Variants in OLA1 observed in about 807,000 individuals in gnomAD.
OLA1 encodes the protein Obg like ATPase 1, also known as obg-like ATPase 1.
Under a neutral mutation model 48.4 loss-of-function variants are expected in OLA1, and 14 were observed. The ratio of observed to expected loss-of-function variants is 0.29; its 90% CI spans 0.19 to 0.45. The LOEUF is 0.45. Ranked by LOEUF, OLA1 falls within the 20% of genes least tolerant of loss-of-function variation. The pLI, the probability that OLA1 is intolerant of heterozygous loss-of-function variation, is 1.00. For synonymous variants in OLA1, 127 were observed against 150.4 expected, an observed-to-expected ratio of 0.84 and a Z score of 1.14; for missense variants, 325 against 467.1, an observed-to-expected ratio of 0.70 and a Z score of 2.80.
In OLA1 at chr2:174,158,241, T is replaced by C. The variant is rs575145682; in HGVS notation, c.374-16241A>G. Among the ~76,000 whole-genome samples the C allele has an allele frequency of 1.6e-4, 25 of 152,340 alleles. 1 individual carries two copies. In the South Asian group the frequency reaches 4.8e-3, roughly 29 times the overall value. On this transcript the variant is annotated intron_variant, in intron 4 of 10. Coordinates refer to ENST00000284719, the MANE Select transcript of OLA1 (RefSeq NM_013341.5). ...TGGATTTGGATGGGCCAGGACCTTG[T>C]GACACCCCTTATTCCCCTGTGGTCA...
At chr2:174,217,689 C>T (rs1688398794) in intron 4 of OLA1, among the ~76,000 whole-genome samples, 1 of 152,178 alleles carries the variant, frequency 6.6e-6, no homozygotes. Context: ...TATAATCCCT[C>T]TCTCTGCCCC....
intron 7 of OLA1, among the ~76,000 whole-genome samples, chr2:174,106,481 C>T (rs1685517665): frequency 1.3e-5 from 2 of 152,076 alleles, no homozygotes; most frequent in South Asian, 4.1e-4. Flanking sequence ...TCACTGATCA[C>T]AATCTAAGCA....
intron 7 of OLA1, among the ~76,000 whole-genome samples, chr2:174,104,563 G>T (rs1250711880): frequency 1.3e-5 from 2 of 151,954 alleles, no homozygotes; most frequent in Non-Finnish European, 2.9e-5. Context: ...GCGTCACTTG[G>T]TTCTTAATTT....
chr2:174,123,099 G>A lies in OLA1; in HGVS notation c.728+81C>T, dbSNP rs532248651. The stretch of plus-strand genomic sequence containing the variant: ...AAAAATATTAAAATTAAACATTGCC[G>A]TTAAGTACATATATGTGGGTGTGTG... On this transcript the variant is annotated intron_variant, in intron 7 of 10. Coordinates refer to ENST00000284719, the MANE Select transcript of OLA1 (RefSeq NM_013341.5). 37 of 649,074 alleles carry A rather than the reference G, an allele frequency of 5.7e-5. 1 individual carries two copies. The highest frequency in any genetic ancestry group is 2.5e-4 in the African/African-American group (13 of 51,318). The allele number at this position is 649,074 out of a possible 1,614,324, so 40.2% of individuals were successfully genotyped here. A position where few individuals can be genotyped will look rare whatever the true frequency, so the allele number is the denominator to read the frequency against.
rs1317826944 is a variant in OLA1 at position 174,074,235 on chromosome 2, GA to G, written c.*1190del. On this transcript the variant is annotated 3_prime_UTR_variant, in exon 11 of 11. Transcript: ENST00000284719. ...CCATGGAAATGGTCCTGTGATCACA[GA>G]AGAGCACAAAAGGGCAGAGGACAAG... The G allele has an allele frequency of 6.6e-6, 1 of 152,180 alleles. No homozygotes were observed. Among genetic ancestry groups the G allele is most frequent in the African/African-American group, 2.4e-5 (1 of 41,416 alleles). 9.4% of individuals were successfully genotyped at this position (152,180 alleles called of 1,614,324 possible).
intron 7 of OLA1, among the ~76,000 whole-genome samples, chr2:174,085,843 G>A (rs944021860): frequency 6.6e-5 from 10 of 151,984 alleles, no homozygotes; most frequent in African/African-American, 2.4e-4. Flanking sequence ...TAAGTTCTTT[G>A]TCCCTTTCAA....
At chr2:174,136,724 T>A (rs1686318321) in intron 5 of OLA1, among the ~76,000 whole-genome samples, 1 of 151,898 alleles carries the variant, frequency 6.6e-6, no homozygotes, top group Non-Finnish European at 1.5e-5. Flanking sequence ...CAGGCTGTAG[T>A]GCAGTGGTGT....
chr2:174,082,542 T>A lies in OLA1; in HGVS notation c.729-478A>T, dbSNP rs551833841. On this transcript the variant is annotated intron_variant, in intron 7 of 10. Transcript: ENST00000284719. ...CAGATATCTATATGCCTGGTTTAGT[T>A]CCTTCATGGACTAACAGAACTCACA... Among the ~76,000 whole-genome samples, 8 of 152,262 alleles carry A rather than the reference T, an allele frequency of 5.3e-5. No homozygotes were observed. The South Asian group carries it at 6.2e-4, about 12-fold the overall frequency.
intron 1 of OLA1, chr2:174,247,782 G>T: frequency 1.3e-6 from 2 of 1,550,386 alleles, no homozygotes; most frequent in South Asian, 2.4e-5. Context: ...ATTTCTAATG[G>T]TAAATTAATC....
chr2:174,091,989 C>A (rs1229317845), intron 7 of OLA1, among the ~76,000 whole-genome samples: 1 of 138,416 alleles, frequency 7.2e-6, no homozygotes, highest in African/African-American at 2.7e-5. Flanking sequence ...ATATTATGTA[C>A]TTAATGTTAA....
rs184161629 is a variant in OLA1, at chr2:174,180,276, T to C, written c.374-38276A>G. On this transcript the variant is annotated intron_variant, in intron 4 of 10. Transcript: ENST00000284719. The stretch of plus-strand genomic sequence containing the variant: ...CTTCAGTCTAATACTGAGACAATTA[T>C]AAAACAAATGTATCCATTTCTATTC... Among the ~76,000 whole-genome samples, 815 of 152,290 alleles carry C rather than the reference T, an allele frequency of 5.4e-3. 5 individuals are homozygous for C. Among genetic ancestry groups the C allele is most frequent in the African/African-American group, 0.019 (770 of 41,574 alleles).
intron 4 of OLA1, among the ~76,000 whole-genome samples, chr2:174,145,503 T>TA (rs1157621263): frequency 2.0e-5 from 3 of 152,166 alleles, no homozygotes; most frequent in African/African-American, 7.2e-5. Context: ...ATGAGAAAGT[T>TA]ACTTTTATTA....
chr2:174,160,002 T>G (rs887841838), intron 4 of OLA1, among the ~76,000 whole-genome samples: 10 of 152,120 alleles, frequency 6.6e-5, no homozygotes, highest in Non-Finnish European at 4.4e-5. Flanking sequence ...CTAACAAGTT[T>G]TACTTCATAG....
At chr2:174,242,349 C>A (rs767505988) in intron 2 of OLA1, among the ~76,000 whole-genome samples, 3 of 152,198 alleles carry the variant, frequency 2.0e-5, no homozygotes, top group Non-Finnish European at 2.9e-5. Flanking sequence ...AGGGCCTGCG[C>A]TCCTCTGAGA....
At chr2:174,195,859 T>TA (rs1392779158) in intron 4 of OLA1, among the ~76,000 whole-genome samples, 1 of 152,176 alleles carries the variant, frequency 6.6e-6, no homozygotes, top group Non-Finnish European at 1.5e-5. Context: ...TACAAGATAA[T>TA]AAACTTACTT....
intron 7 of OLA1, among the ~76,000 whole-genome samples, chr2:174,111,376 A>G (rs16862384): frequency 0.025 from 3,768 of 152,290 alleles, 151 homozygotes; most frequent in African/African-American, 0.084. Flanking sequence ...AATTTGAGCT[A>G]AAAGAAGTTT....
intron 4 of OLA1, among the ~76,000 whole-genome samples, chr2:174,175,487 T>C (rs750345730): frequency 3.9e-5 from 6 of 151,954 alleles, no homozygotes; most frequent in Admixed American, 2.0e-4. Flanking sequence ...AATGAAAAGA[T>C]GGTCATCACT....
At chr2:174,212,585 C>T (rs540498236) in intron 4 of OLA1, among the ~76,000 whole-genome samples, 4 of 152,232 alleles carry the variant, frequency 2.6e-5, no homozygotes, top group East Asian at 1.9e-4. Context: ...ATTTTTTTAA[C>T]GTTTGGACTC....
chr2:174,078,932 A>G (rs762349004), intron 10 of OLA1, 36 bp downstream of exon 10: 1 of 1,581,182 alleles, frequency 6.3e-7, no homozygotes, highest in South Asian at 1.2e-5. Flanking sequence ...ATCAGTGGAA[A>G]CATTGTGAAA....
Sources: gnomAD v4.1 joint callset for allele counts (sites outside exome capture counted in the v4.1 genomes callset) on GRCh38, gnomAD v4.1.1 for gene constraint, MANE v1.5 for transcripts, NCBI Gene and HGNC (gene_info 2026-07-23, HGNC 2026-07-21) for gene names.